Variants in SLC9A2 observed in about 807,000 individuals in gnomAD.
SLC9A2 encodes solute carrier family 9 member A2.
Under a neutral mutation model 71.7 loss-of-function variants are expected in SLC9A2, and 42 were observed. That is an observed-to-expected ratio of 0.59 (90% CI 0.46 to 0.76). SLC9A2 has a LOEUF of 0.76. Ranked by LOEUF, SLC9A2 falls within the 30% of genes least tolerant of loss-of-function variation. The pLI is 0.00. For synonymous variants in SLC9A2, 396 were observed against 392.5 expected (o/e 1.01, Z -0.10); for missense variants, 829 against 1,017.4 (o/e 0.81, Z 2.52).
rs1676971639 is a variant in SLC9A2, at chr2:102,657,774, G to A, written c.500G>A (p.Gly167Asp). ...ACTCGCCCATTCTTTGAGAACATTG[G>A]CACGATTTTCTGGTATGCTGTGGTA... is the stretch of plus-strand genomic sequence containing the variant. ...MPTRPFFENI[G>D]TIFWYAVVGT... Residue 167 changes from glycine (G) to aspartate (D), a missense_variant, in exon 2 of 12, where the codon GGC (glycine) becomes GAC (aspartate). Physicochemically the swap from Gly to Asp is moderately conservative, Grantham distance 94. Transcript: ENST00000233969. 1 of 1,614,176 alleles carries A rather than the reference G, an allele frequency of 6.2e-7. No individual in the cohort carries two copies. The highest frequency in any genetic ancestry group is 8.5e-7 in the Non-Finnish European group (1 of 1,180,024).
intron 1 of SLC9A2, among the ~76,000 whole-genome samples, chr2:102,627,645 G>C (rs2104497478): frequency 6.6e-6 from 1 of 152,078 alleles, no homozygotes; most frequent in South Asian, 2.1e-4. Context: ...CAGGTATGCA[G>C]GAGTTTGTCT....
chr2:102,689,311 G>C (rs1677614311), intron 5 of SLC9A2, among the ~76,000 whole-genome samples: 1 of 152,192 alleles, frequency 6.6e-6, no homozygotes, highest in Admixed American at 6.5e-5. Context: ...CATTTCTCAA[G>C]AGTGCTCATT....
intron 1 of SLC9A2, among the ~76,000 whole-genome samples, chr2:102,621,388 A>G (rs995255159): frequency 6.6e-6 from 1 of 150,648 alleles, no homozygotes; most frequent in Non-Finnish European, 1.5e-5. Flanking sequence ...CCACTTTCAT[A>G]CTACCTTTAA....
intron 1 of SLC9A2, among the ~76,000 whole-genome samples, chr2:102,634,757 C>T (rs777060665): frequency 1.3e-5 from 2 of 152,096 alleles, no homozygotes; most frequent in Non-Finnish European, 2.9e-5. Context: ...AAAAGAAAGG[C>T]AATGCACATC....
In SLC9A2 at chr2:102,702,510, T is replaced by C. The variant is rs759317066; in HGVS notation, c.1845+8T>C. 2 of 1,481,508 alleles carry C rather than the reference T, an allele frequency of 1.3e-6. No homozygotes were observed. The highest frequency in any genetic ancestry group is 1.9e-6 in the Non-Finnish European group (2 of 1,076,134). The allele number at this position is 1,481,508 out of a possible 1,614,324, so 91.8% of individuals were successfully genotyped here. On this transcript the variant is annotated splice_region_variant and intron_variant, in intron 9 of 11. Transcript: ENST00000233969. ...TATCAAATCCGTCAGCGAGTAAGAA[T>C]AATTTATGTAGCAAAATATTTACTT...
intron 5 of SLC9A2, among the ~76,000 whole-genome samples, chr2:102,688,444 A>G (rs955492958): frequency 7.9e-5 from 12 of 152,116 alleles, no homozygotes; most frequent in Non-Finnish European, 1.3e-4. Context: ...AAAAATTATA[A>G]CGAGGCCATG....
chr2:102,645,987 A>T (rs1327272329), intron 1 of SLC9A2, among the ~76,000 whole-genome samples: 1 of 152,166 alleles, frequency 6.6e-6, no homozygotes, highest in Non-Finnish European at 1.5e-5. Context: ...GAGCAACCAC[A>T]AGACACATAA....
At position 102,708,612 on chromosome 2, in the gene SLC9A2, C is replaced by T; in HGVS notation, c.*123C>T. ...TGTGCATCTAAATACTTCTGGAGGG[C>T]GACAGATTCATGCCACGGATAAATG... On this transcript the variant is annotated 3_prime_UTR_variant, in exon 12 of 12. Transcript: ENST00000233969. 3 of 1,158,214 alleles carry T rather than the reference C, an allele frequency of 2.6e-6. No homozygotes were observed. The highest frequency in any genetic ancestry group is 2.4e-6 in the Non-Finnish European group (2 of 827,186). 71.7% of individuals were successfully genotyped at this position (1,158,214 alleles called of 1,614,324 possible). A position where few individuals can be genotyped will look rare whatever the true frequency, so the allele number is the denominator to read the frequency against.
At chr2:102,677,046 C>T (rs1677357198) in intron 3 of SLC9A2, among the ~76,000 whole-genome samples, 1 of 152,210 alleles carries the variant, frequency 6.6e-6, no homozygotes, top group Non-Finnish European at 1.5e-5. Context: ...TTAAACTAGA[C>T]TTAACAAGCA....
intron 1 of SLC9A2, among the ~76,000 whole-genome samples, chr2:102,655,445 C>T (rs1021538297): frequency 1.3e-5 from 2 of 152,082 alleles, no homozygotes; most frequent in African/African-American, 4.8e-5. Context: ...TGAGTCACCA[C>T]GCCTGGCCTA....
intron 7 of SLC9A2, among the ~76,000 whole-genome samples, chr2:102,698,154 G>C (rs1021852060): frequency 1.3e-5 from 2 of 152,038 alleles, no homozygotes; most frequent in African/African-American, 2.4e-5. Context: ...TTGCTGTCAG[G>C]AGTCCTGGTC....
chr2:102,639,920 C>T (rs747069906), intron 1 of SLC9A2, among the ~76,000 whole-genome samples: 2 of 152,136 alleles, frequency 1.3e-5, no homozygotes, highest in African/African-American at 2.4e-5. Context: ...AAGCATAAAC[C>T]TCCAGTGCAA....
At position 102,679,385 on chromosome 2, in the gene SLC9A2, A is replaced by T. The variant is rs199913410; in HGVS notation, c.1005-3876A>T. On this transcript the variant is annotated intron_variant, in intron 3 of 11. Coordinates refer to ENST00000233969, the MANE Select transcript of SLC9A2 (RefSeq NM_003048.6). ...TACACCAAAGCTATATATATATATA[A>T]TTTTTTTTTTTTTTGAGATGGAGTC... 9.5e-3 allele frequency among the ~76,000 whole-genome samples: 710 copies of T among 74,386 alleles called. 6 individuals are homozygous for T. Among genetic ancestry groups the T allele is most frequent in the African/African-American group, 0.035 (585 of 16,722 alleles). 48.8% of individuals were successfully genotyped at this position (74,386 alleles called of 152,430 possible).
intron 1 of SLC9A2, among the ~76,000 whole-genome samples, chr2:102,650,653 A>G (rs1465935682): frequency 6.6e-6 from 1 of 151,948 alleles, no homozygotes; most frequent in East Asian, 1.9e-4. Context: ...AACACTGGTT[A>G]AATTATGCTT....
At chr2:102,620,563 A>G (rs1030235074) in intron 1 of SLC9A2, among the ~76,000 whole-genome samples, 1 of 152,120 alleles carries the variant, frequency 6.6e-6, no homozygotes, top group Non-Finnish European at 1.5e-5. Context: ...CTTGGCAGTG[A>G]CACAGACCCT....
rs189559696 is a variant in SLC9A2, at chr2:102,691,947, G to A, written c.1426-2467G>A. On this transcript the variant is annotated intron_variant, in intron 5 of 11. Coordinates refer to ENST00000233969, the MANE Select transcript of SLC9A2 (RefSeq NM_003048.6). ...ATGAACACTGATAGGAAAAGAGCAC[G>A]TGAAACAGCAGCTTGTGTCTTTAGA... Among the ~76,000 whole-genome samples, 35 of 152,300 alleles carry A rather than the reference G, an allele frequency of 2.3e-4. No individual in the cohort carries two copies. In the South Asian group the frequency reaches 2.7e-3, roughly 12 times the overall value.
chr2:102,642,042 T>TATAATAATA (rs10682813), intron 1 of SLC9A2, among the ~76,000 whole-genome samples: 211 of 149,752 alleles, frequency 1.4e-3, no homozygotes, highest in African/African-American at 4.7e-3. Context: ...GAACTTAAAA[T>TATAATAATA]ATAATAATAA....
At chr2:102,629,595 C>G (rs1479182612) in intron 1 of SLC9A2, among the ~76,000 whole-genome samples, 1 of 152,014 alleles carries the variant, frequency 6.6e-6, no homozygotes, top group African/African-American at 2.4e-5. Flanking sequence ...ACTTATTTTG[C>G]TCTCTGTTTA....
intron 7 of SLC9A2, among the ~76,000 whole-genome samples, chr2:102,696,458 A>AT (rs1018333472): frequency 2.6e-5 from 4 of 152,188 alleles, no homozygotes; most frequent in Non-Finnish European, 4.4e-5. Flanking sequence ...ACACAAGGGA[A>AT]TTTTTTAGTG....
Sources: gnomAD v4.1 joint callset for allele counts (sites outside exome capture counted in the v4.1 genomes callset) on GRCh38, gnomAD v4.1.1 for gene constraint, MANE v1.5 for transcripts, NCBI Gene and HGNC (gene_info 2026-07-23, HGNC 2026-07-21) for gene names.